The following MYRIP variants were observed in gnomAD, a reference collection of about 807,000 sequenced individuals.
MYRIP encodes rab effector MyRIP.
A neutral mutation model predicts 98.0 loss-of-function variants in MYRIP; 49 were observed. The observed-to-expected ratio is 0.50, with a 90% confidence interval of 0.40 to 0.63. The LOEUF (loss-of-function observed/expected upper bound fraction) is 0.63, where lower values mean the gene tolerates loss of function less well. Ranked by LOEUF, MYRIP falls within the 30% of genes least tolerant of loss-of-function variation. The pLI is 0.00. For synonymous variants in MYRIP, 404 were observed against 409.5 expected, an observed-to-expected ratio of 0.99 and a Z score of 0.16; for missense variants, 1,004 against 1,058.2, an observed-to-expected ratio of 0.95 and a Z score of 0.71.
At chr3:39,957,083 C>T (rs1575412550) in intron 2 of MYRIP, among the ~76,000 whole-genome samples, 3 of 151,848 alleles carry the variant, frequency 2.0e-5, no homozygotes, top group South Asian at 4.1e-4. Context: ...GATTCACAGC[C>T]GAATTCTACC....
At chr3:39,875,317 G>T (rs1037170081) in intron 1 of MYRIP, among the ~76,000 whole-genome samples, 8 of 151,974 alleles carry the variant, frequency 5.3e-5, no homozygotes, top group Non-Finnish European at 7.4e-5. Flanking sequence ...ATTTTTTGAA[G>T]GGTTTTTTGT....
At chr3:39,882,506 C>G (rs144410371) in intron 1 of MYRIP, among the ~76,000 whole-genome samples, 2 of 152,056 alleles carry the variant, frequency 1.3e-5, no homozygotes, top group Non-Finnish European at 2.9e-5. Context: ...TTTGTCAGAA[C>G]ACAATTATGC....
chr3:39,950,426 A>G lies in MYRIP; in HGVS notation c.110+49500A>G, dbSNP rs1483655750. ...CTTTTGATAATGCATACATTTTTTCATATGTTTTAGAAACATATGCTTTCC... is the reference window on the plus strand; with the variant it reads ...CTTTTGATAATGCATACATTTTTTCGTATGTTTTAGAAACATATGCTTTCC... On this transcript the variant is annotated intron_variant, in intron 2 of 16. Transcript: ENST00000302541. Among the ~76,000 whole-genome samples the G allele has an allele frequency of 5.3e-5, 8 of 152,096 alleles. No homozygotes were observed. In the South Asian group the frequency reaches 1.2e-3, roughly 24 times the overall value.
At chr3:39,998,476 G>T (rs1215342376) in intron 2 of MYRIP, among the ~76,000 whole-genome samples, 5 of 152,174 alleles carry the variant, frequency 3.3e-5, no homozygotes, top group African/African-American at 1.2e-4. Context: ...AACAACGGAC[G>T]TGAAGGACCT....
intron 2 of MYRIP, among the ~76,000 whole-genome samples, chr3:39,948,006 A>G (rs1450176427): frequency 6.6e-6 from 1 of 152,182 alleles, no homozygotes; most frequent in Non-Finnish European, 1.5e-5. Flanking sequence ...GACTATCAAG[A>G]TGACACTAAT....
chr3:39,984,874 C>T (rs1201929581), intron 2 of MYRIP, among the ~76,000 whole-genome samples: 1 of 151,732 alleles, frequency 6.6e-6, no homozygotes, highest in Non-Finnish European at 1.5e-5. Flanking sequence ...TTCTCCACAT[C>T]CTCTCCAGCA....
At chr3:39,948,863 C>T (rs957130783) in intron 2 of MYRIP, among the ~76,000 whole-genome samples, 2 of 152,200 alleles carry the variant, frequency 1.3e-5, no homozygotes, top group African/African-American at 2.4e-5. Context: ...CTTAGTGAAG[C>T]TGTGGAACAC....
At chr3:40,077,683 G>C (rs1245519162) in intron 3 of MYRIP, among the ~76,000 whole-genome samples, 2 of 152,228 alleles carry the variant, frequency 1.3e-5, no homozygotes, top group African/African-American at 2.4e-5. Flanking sequence ...TAGACATAAA[G>C]GTTCTCCAAG....
At chr3:39,884,325 A>G (rs555637099) in intron 1 of MYRIP, among the ~76,000 whole-genome samples, 1 of 152,266 alleles carries the variant, frequency 6.6e-6, no homozygotes, top group South Asian at 2.1e-4. Context: ...AACCCAAGAA[A>G]GAAAACACAA....
intron 2 of MYRIP, among the ~76,000 whole-genome samples, chr3:39,906,837 A>G (rs1176171158): frequency 6.6e-6 from 1 of 152,210 alleles, no homozygotes; most frequent in Non-Finnish European, 1.5e-5. Flanking sequence ...GACATTGTTC[A>G]TGGCAGAAAT....
At chr3:40,099,806 A>G (rs1412438941) in intron 3 of MYRIP, among the ~76,000 whole-genome samples, 1 of 152,212 alleles carries the variant, frequency 6.6e-6, no homozygotes, top group African/African-American at 2.4e-5. Flanking sequence ...GCTCTTCCAT[A>G]TCTTGAATTT....
At chr3:40,230,729 G>T (rs938499201) in intron 11 of MYRIP, among the ~76,000 whole-genome samples, 1 of 152,034 alleles carries the variant, frequency 6.6e-6, no homozygotes, top group Non-Finnish European at 1.5e-5. Flanking sequence ...GTGGATTCCA[G>T]TTTGCCTTTC....
At chr3:40,252,716 G>A (rs144570519) in intron 16 of MYRIP, among the ~76,000 whole-genome samples, 4 of 152,240 alleles carry the variant, frequency 2.6e-5, no homozygotes, top group African/African-American at 7.2e-5. Context: ...CATGAGTAGC[G>A]GTCACAAGCC....
chr3:40,135,579 T>G (rs1232286128), intron 3 of MYRIP, among the ~76,000 whole-genome samples: 1 of 152,038 alleles, frequency 6.6e-6, no homozygotes, highest in African/African-American at 2.4e-5. Context: ...GACACAAAAT[T>G]GTCAGATTCA....
At chr3:40,118,914 C>A (rs926827751) in intron 3 of MYRIP, among the ~76,000 whole-genome samples, 47 of 151,706 alleles carry the variant, frequency 3.1e-4, no homozygotes, top group African/African-American at 1.1e-3. Flanking sequence ...TGAACTCATC[C>A]TTTTTTATGG....
At chr3:39,952,856 G>A (rs1197043221) in intron 2 of MYRIP, among the ~76,000 whole-genome samples, 3 of 152,132 alleles carry the variant, frequency 2.0e-5, no homozygotes, top group Non-Finnish European at 4.4e-5. Context: ...TTGCCACTGA[G>A]TATGTGTGCA....
chr3:40,014,099 G>A (rs1422797534), intron 2 of MYRIP, among the ~76,000 whole-genome samples: 7 of 152,160 alleles, frequency 4.6e-5, no homozygotes. Context: ...TTATAAGGAG[G>A]CATTTTTTTG....
chr3:39,872,446 C>T (rs1372917590), intron 1 of MYRIP, among the ~76,000 whole-genome samples: 1 of 151,692 alleles, frequency 6.6e-6, no homozygotes, highest in Admixed American at 6.6e-5. Flanking sequence ...ATTAACTCGT[C>T]ATTTAGCATT....
chr3:40,105,295 T>C (rs1456871438), intron 3 of MYRIP, among the ~76,000 whole-genome samples: 1 of 152,206 alleles, frequency 6.6e-6, no homozygotes, highest in Non-Finnish European at 1.5e-5. Context: ...AAAGTAAAAT[T>C]TTTAAGTTGT....
Sources: allele counts gnomAD v4.1 joint callset (sites outside exome capture counted in the v4.1 genomes callset), GRCh38; gene constraint gnomAD v4.1.1; transcripts MANE v1.5; gene names NCBI Gene and HGNC (gene_info 2026-07-23, HGNC 2026-07-21).